The following PELP1 variants were observed in gnomAD, a reference collection of about 807,000 sequenced individuals.
The protein encoded by PELP1 is proline, glutamate and leucine rich protein 1, also known as proline-, glutamic acid- and leucine-rich protein 1.
A neutral mutation model predicts 95.5 loss-of-function variants in PELP1; 32 were observed. The observed-to-expected ratio is 0.34, with a 90% CI of 0.25 to 0.45. The LOEUF (loss-of-function observed/expected upper bound fraction) is 0.45. Among genes scored for constraint, PELP1 ranks in the 20% least tolerant of loss-of-function variants. The probability of loss-of-function intolerance (pLI) is 1.00; values close to 1 mark genes in which losing one functional copy is unlikely to be tolerated. For missense variants in PELP1, 1,358 were observed against 1,444.8 expected, an observed-to-expected ratio of 0.94 and a Z score of 0.97; for synonymous variants, 668 against 600.1, an observed-to-expected ratio of 1.11 and a Z score of -1.65.
In PELP1 at chr17:4,692,860, A is replaced by G. The variant is rs73334467; in HGVS notation, c.250-1418T>C. Among the ~76,000 whole-genome samples the G allele has an allele frequency of 4.4e-3, 670 of 152,160 alleles. 2 individuals carry two copies. The highest frequency in any genetic ancestry group is 0.015 in the African/African-American group (625 of 41,502). ...CCCCGTCTCTACTAAAAATAGAAAA[A>G]TTAGCTAGTTATGGTGACACGCGCC... is the stretch of plus-strand genomic sequence containing the variant. On this transcript the variant is annotated intron_variant, in intron 1 of 16. Transcript: ENST00000572293.
chr17:4,690,849 G>C (rs1175533648), intron 3 of PELP1, 39 bp downstream of exon 3: 2 of 1,252,968 alleles, frequency 1.6e-6, no homozygotes, highest in Non-Finnish European at 2.3e-6. Context: ...GAATAAGATG[G>C]GGGAGGAGGA....
In PELP1 at chr17:4,672,615, G is replaced by C; in HGVS notation, c.2376C>G (p.Pro792=). 6.2e-7 allele frequency: 1 copy of C among 1,608,270 alleles called. No individual in the cohort carries two copies. ...GGGGTGGCAGGGGGGGAAGCCCCTC[G>C]GGCACGATCACCACGCTGTCATCAG... is the stretch of plus-strand genomic sequence containing the variant. ...SDSDDSVVIV[P]EGLPPLPPPP... is the part of the protein sequence containing the mutation. Residue 792 remains proline, a synonymous_variant, in exon 16 of 17, where the codon CCC becomes CCG. Coordinates refer to ENST00000572293, the MANE Select transcript of PELP1 (RefSeq NM_014389.3).
chr17:4,677,072 T>C (rs1912510216), intron 5 of PELP1, among the ~76,000 whole-genome samples: 1 of 152,136 alleles, frequency 6.6e-6, no homozygotes, highest in African/African-American at 2.4e-5. Flanking sequence ...CAGCTGGGCT[T>C]CCTCCTTGAC....
chr17:4,682,923 C>G lies in PELP1; in HGVS notation c.450G>C (p.Leu150=). 1.9e-6 allele frequency: 3 copies of G among 1,552,710 alleles called. No homozygotes were observed. The highest frequency in any genetic ancestry group is 2.6e-6 in the Non-Finnish European group (3 of 1,153,652). ...QTQDPPATME[L]AVAVLRDLLR... ...GGAGGTCCCTCAGGACAGCCACGGC[C>G]AGCTCCATTGTGGCAGGCGGGTCCT... Residue 150 remains leucine (L), a synonymous_variant, in exon 4 of 17, where the codon CTG becomes CTC. Coordinates refer to ENST00000572293, the MANE Select transcript of PELP1 (RefSeq NM_014389.3).
At chr17:4,676,234 C>T (rs1264621203) in intron 7 of PELP1, 72 bp from the exon 8 acceptor site, 6 of 1,593,012 alleles carry the variant, frequency 3.8e-6, no homozygotes. Flanking sequence ...GGTGGACGAC[C>T]TGCCTGTATT....
intron 1 of PELP1, among the ~76,000 whole-genome samples, chr17:4,694,575 G>A (rs1273870261): frequency 6.6e-6 from 1 of 150,872 alleles, no homozygotes; most frequent in South Asian, 2.1e-4. Context: ...CAGGAGAACC[G>A]CTTGAGAACG....
At chr17:4,697,564 G>A (rs1321333453) in intron 1 of PELP1, among the ~76,000 whole-genome samples, 16 of 152,180 alleles carry the variant, frequency 1.1e-4, no homozygotes, top group Admixed American at 1.0e-3. Flanking sequence ...TATCCCAGAA[G>A]TCAAGTGAAG....
At chr17:4,676,957 A>G in intron 5 of PELP1, 145 bp from the exon 6 acceptor site, 1 of 631,062 alleles carries the variant, frequency 1.6e-6, no homozygotes, top group African/African-American at 1.8e-5. Context: ...ATGGGGCATC[A>G]ACACCGGGCA....
rs1377226512 is a variant in PELP1, at chr17:4,674,492, G to A, written c.1582+18C>T. On this transcript the variant is annotated intron_variant, in intron 13 of 16. Transcript: ENST00000572293. ...TCCCGTTTGAGCCCCAGTGGTCCAG[G>A]GCACAGGCCTCACCCACCTCTGAGT... The A allele has an allele frequency of 1.9e-6, 3 of 1,607,420 alleles. No homozygotes were observed. Among genetic ancestry groups the A allele is most frequent in the Non-Finnish European group, 2.5e-6 (3 of 1,177,460 alleles).
Position 4,674,923 on chromosome 17 carries a change from C to A in PELP1, c.1308G>T (p.Glu436Asp). The change falls in exon 12 of 17, where the codon GAG becomes GAT. Residue 436 changes from glutamate (E) to aspartate (D), a missense_variant. Glu to Asp is a conservative substitution (Grantham distance 45, BLOSUM62 2). This residue lies in a region of PELP1 where 538 missense variants were observed against 628.1 expected (regional missense o/e 0.86). Coordinates refer to ENST00000572293, the MANE Select transcript of PELP1 (RefSeq NM_014389.3). Reference protein sequence around the residue: ...TVRTKVYAILELWVQVCGASA... With the variant: ...TVRTKVYAILDLWVQVCGASA... The stretch of plus-strand genomic sequence containing the variant: ...AGGCCCCACAAACCTGCACCCACAG[C>A]TCTAATATCGCATACACCTTGGTCC... The A allele has an allele frequency of 6.2e-7, 1 of 1,613,422 alleles. No homozygotes were observed.
rs1912181499 is a variant in PELP1 at position 4,671,159 on chromosome 17, A to T, written c.*280T>A. The T allele has an allele frequency of 4.1e-6, 2 of 490,144 alleles. No individual in the cohort carries two copies. Among genetic ancestry groups the T allele is most frequent in the Admixed American group, 7.0e-5 (2 of 28,708 alleles). The allele number at this position is 490,144 out of a possible 1,614,324, so 30.4% of individuals were successfully genotyped here. On this transcript the variant is annotated 3_prime_UTR_variant, in exon 17 of 17. Transcript: ENST00000572293. ...TAACTCCTCATTCTTAACCCTACAC[A>T]CAATTCTGCACGTTTAGCATCCAGC...
At chr17:4,679,395 TAA>T (rs1912613967) in intron 5 of PELP1, among the ~76,000 whole-genome samples, 1 of 152,168 alleles carries the variant, frequency 6.6e-6, no homozygotes, top group African/African-American at 2.4e-5. Context: ...GAATTACAGA[TAA>T]ATTCTCCTGA....
intron 5 of PELP1, among the ~76,000 whole-genome samples, chr17:4,681,527 C>T (rs115210919): frequency 0.02 from 3,020 of 150,034 alleles, 116 homozygotes; most frequent in African/African-American, 0.071. Context: ...AATGGCCAGG[C>T]GCAGTAGCTA....
In PELP1 at chr17:4,673,591, A is replaced by T. The variant is rs367701134; in HGVS notation, c.1638+28T>A. The T allele has an allele frequency of 1.7e-5, 27 of 1,610,162 alleles. No homozygotes were observed. Among genetic ancestry groups the T allele is most frequent in the Non-Finnish European group, 2.3e-5 (27 of 1,176,528 alleles). On this transcript the variant is annotated intron_variant, in intron 14 of 16. Coordinates refer to ENST00000572293, the MANE Select transcript of PELP1 (RefSeq NM_014389.3). The surrounding 1 kb of genome is among the most constrained non-coding windows in gnomAD (Gnocchi z 5.7). ...GTACAGAGCAGGGGCCCCTTCCCCT[A>T]TCTCCACGGAGACGAGGCTCCACTA...
intron 1 of PELP1, among the ~76,000 whole-genome samples, chr17:4,700,030 G>A (rs1049416791): frequency 6.7e-6 from 1 of 148,848 alleles, no homozygotes; most frequent in Non-Finnish European, 1.5e-5. Context: ...CCTCCTGAAT[G>A]GCTGGGATTA....
intron 2 of PELP1, 164 bp downstream of exon 2, chr17:4,691,214 G>A: frequency 1.5e-6 from 1 of 655,784 alleles, no homozygotes. Flanking sequence ...GAAAAGGTAG[G>A]GTTCAAATCA....
intron 3 of PELP1, among the ~76,000 whole-genome samples, chr17:4,683,531 CTTTTTTTTT>C (rs59870828): frequency 1.0e-5 from 1 of 96,564 alleles, no homozygotes; most frequent in Non-Finnish European, 1.9e-5. Flanking sequence ...GTTTTCTTTT[CTTTTTTTTT>C]TTTTTTTTGA....
At position 4,671,945 on chromosome 17, in the gene PELP1, C is replaced by T; in HGVS notation, c.3046G>A (p.Glu1016Lys). 1 of 1,528,810 alleles carries T rather than the reference C, an allele frequency of 6.5e-7. No individual in the cohort carries two copies. Among genetic ancestry groups the T allele is most frequent in the South Asian group, 1.3e-5 (1 of 74,682 alleles). 94.7% of individuals were successfully genotyped at this position (1,528,810 alleles called of 1,614,324 possible). A position where few individuals can be genotyped will look rare whatever the true frequency, so the allele number is the denominator to read the frequency against. ...GGAGCTGTGTCAGCCCCACGCTCCTCCTCCGTCCCTGGCTCCTCCACTTCC... is the reference window on the plus strand; with the variant it reads ...GGAGCTGTGTCAGCCCCACGCTCCTTCTCCGTCCCTGGCTCCTCCACTTCC... ...LLEVEEPGTE[E>K]ERGADTAPTL... is the part of the protein sequence containing the mutation. Residue 1016 changes from glutamate (E) to lysine (K), a missense_variant, in exon 16 of 17, where the codon GAG becomes AAG. By Grantham distance (56) the Glu-to-Lys change is moderately conservative. Coordinates refer to ENST00000572293, the MANE Select transcript of PELP1 (RefSeq NM_014389.3).
At position 4,672,156 on chromosome 17, in the gene PELP1, T is replaced by G. The variant is rs371486511; in HGVS notation, c.2835A>C (p.Glu945Asp). 1 of 1,552,210 alleles carries G rather than the reference T, an allele frequency of 6.4e-7. No homozygotes were observed. Among genetic ancestry groups the G allele is most frequent in the East Asian group, 2.4e-5 (1 of 40,966 alleles). Residue 945 changes from glutamate (E) to aspartate (D), a missense_variant, in exon 16 of 17, where the codon GAA (glutamate) becomes GAC (aspartate). Around this residue, in one of 7 missense-constraint regions of PELP1, gnomAD observed 283 missense variants for 284.1 expected, o/e 1.00. Coordinates refer to ENST00000572293, the MANE Select transcript of PELP1 (RefSeq NM_014389.3). ...CCTCCTCCTCATCCTCCTCTTCTTC[T>G]TCTTCCTCTAACTCACCTTCTTCTT... ...FEEEEGELEEEEEEEDEEEEE... is the reference protein window; with the variant it reads ...FEEEEGELEEDEEEEDEEEEE...
Sources: allele counts gnomAD v4.1 joint callset (sites outside exome capture counted in the v4.1 genomes callset), GRCh38; gene constraint gnomAD v4.1.1; regional missense constraint gnomAD v4.1.1; non-coding constraint Gnocchi (gnomAD v3.1); transcripts MANE v1.5; gene names NCBI Gene and HGNC (gene_info 2026-07-23, HGNC 2026-07-21).